Variants in PXK observed in about 807,000 individuals in gnomAD.
PXK encodes the protein PX domain-containing protein kinase-like protein.
PXK carries 35 observed loss-of-function variants against 84.7 expected under a neutral mutation model. That is an observed-to-expected ratio of 0.41 (90% CI 0.32 to 0.55). The LOEUF is 0.55. Among genes scored for constraint, PXK ranks in the 20% least tolerant of loss-of-function variants. The probability of loss-of-function intolerance (pLI) is 0.21; values close to 1 mark genes in which losing one functional copy is unlikely to be tolerated. For synonymous variants in PXK, 253 were observed against 260.8 expected (o/e 0.97, Z 0.29); for missense variants, 634 against 699.7 (o/e 0.91, Z 1.06).
Position 58,410,190 on chromosome 3 carries a change from G to C in PXK, c.1465+31G>C, listed in dbSNP as rs753381677. ...TGGTTATAGATGGTAGTGGGGCCCA[G>C]GACACAGAGATCAGGATCAGGAGTC... On this transcript the variant is annotated intron_variant, in intron 16 of 17. Transcript: ENST00000356151. 4.7e-6 allele frequency: 7 copies of C among 1,493,606 alleles called. No individual in the cohort carries two copies. In the South Asian group the frequency reaches 6.8e-5, roughly 14 times the overall value. 92.5% of individuals were successfully genotyped at this position (1,493,606 alleles called of 1,614,324 possible). A position where few individuals can be genotyped will look rare whatever the true frequency, so the allele number is the denominator to read the frequency against.
chr3:58,425,923 C>T lies in PXK; in HGVS notation c.*963C>T, dbSNP rs745744542. 4 of 152,176 alleles carry T rather than the reference C, an allele frequency of 2.6e-5. No homozygotes were observed. Among genetic ancestry groups the T allele is most frequent in the Non-Finnish European group, 4.4e-5 (3 of 68,038 alleles). 9.4% of individuals were successfully genotyped at this position (152,176 alleles called of 1,614,324 possible). A position where few individuals can be genotyped will look rare whatever the true frequency, so the allele number is the denominator to read the frequency against. On this transcript the variant is annotated 3_prime_UTR_variant, in exon 18 of 18. Transcript: ENST00000356151. ...AATAATCCATTTAAAAATTCAAGTACACACATCAGTGTTGGTTACTATGCA... is the reference window on the plus strand; with the variant it reads ...AATAATCCATTTAAAAATTCAAGTATACACATCAGTGTTGGTTACTATGCA...
In PXK at chr3:58,395,741, T is replaced by C. The variant is rs756972825; in HGVS notation, c.804T>C (p.Tyr268=). The change falls in exon 9 of 18, where the codon TAT becomes TAC. Residue 268 remains tyrosine, a synonymous_variant. Transcript: ENST00000356151. ...TGGAACTCCAGCAAATAAAAACATA[T>C]GGACGGCAAATATTAGAGGTAAGAG... ...QGLELQQIKT[Y]GRQILEVLKF... is the part of the protein sequence containing the mutation. The C allele has an allele frequency of 5.0e-6, 8 of 1,610,558 alleles. No individual in the cohort carries two copies. Among genetic ancestry groups the C allele is most frequent in the Admixed American group, 1.7e-5 (1 of 59,972 alleles).
chr3:58,396,058 T>C (rs557743008), intron 9 of PXK, among the ~76,000 whole-genome samples: 26 of 152,266 alleles, frequency 1.7e-4, no homozygotes, highest in African/African-American at 4.8e-4. Flanking sequence ...CATGCCAAGG[T>C]TTTTGATTTT....
intron 1 of PXK, among the ~76,000 whole-genome samples, chr3:58,354,996 G>A (rs528440679): frequency 6.6e-6 from 1 of 152,222 alleles, no homozygotes; most frequent in African/African-American, 2.4e-5. Flanking sequence ...GTGTGCGCCT[G>A]TAGTCGCAGC....
chr3:58,395,173 C>T, intron 8 of PXK, 71 bp downstream of exon 8: 2 of 1,120,522 alleles, frequency 1.8e-6, no homozygotes, highest in Non-Finnish European at 2.6e-6. Flanking sequence ...TACTTAGTCT[C>T]TAAGACTCCA....
intron 1 of PXK, among the ~76,000 whole-genome samples, chr3:58,336,481 A>G (rs1289451270): frequency 6.6e-6 from 1 of 152,156 alleles, no homozygotes; most frequent in Non-Finnish European, 1.5e-5. Flanking sequence ...AGCTTCTATA[A>G]AATCAGAAAG....
At chr3:58,408,641 G>A (rs2059735613) in intron 13 of PXK, among the ~76,000 whole-genome samples, 2 of 151,958 alleles carry the variant, frequency 1.3e-5, no homozygotes, top group East Asian at 3.9e-4. Context: ...TCCTGCCTCA[G>A]CCTCCTGAGT....
chr3:58,412,597 G>T lies in PXK; in HGVS notation c.1466-304G>T, dbSNP rs1408151015. ...TACCCAGGAGTGGAGGTTGCGTCAG[G>T]AAGAGATACTGCAGCCAATTGCCTA... On this transcript the variant is annotated intron_variant, in intron 16 of 17. Coordinates refer to ENST00000356151, the MANE Select transcript of PXK (RefSeq NM_017771.5). The surrounding 1 kb of genome is among the most constrained non-coding windows in gnomAD (Gnocchi z 6.2). Among the ~76,000 whole-genome samples, 1 of 152,160 alleles carries T rather than the reference G, an allele frequency of 6.6e-6. No individual in the cohort carries two copies. Among genetic ancestry groups the T allele is most frequent in the East Asian group, 1.9e-4 (1 of 5,198 alleles).
intron 1 of PXK, among the ~76,000 whole-genome samples, chr3:58,336,590 T>C (rs2097616958): frequency 6.6e-6 from 1 of 151,928 alleles, no homozygotes; most frequent in Non-Finnish European, 1.5e-5. Flanking sequence ...CACAGGTGAG[T>C]TGTGAGAAAA....
At chr3:58,360,109 G>A (rs1179524800) in intron 1 of PXK, among the ~76,000 whole-genome samples, 1 of 152,024 alleles carries the variant, frequency 6.6e-6, no homozygotes, top group Non-Finnish European at 1.5e-5. Context: ...ACTCTAGCGT[G>A]GATGACAGAG....
At chr3:58,337,776 A>T (rs960096616) in intron 1 of PXK, among the ~76,000 whole-genome samples, 5 of 152,134 alleles carry the variant, frequency 3.3e-5, no homozygotes, top group African/African-American at 1.2e-4. Context: ...GGCCTCAACT[A>T]GGATCTTTAC....
In PXK at chr3:58,401,822, G is replaced by A. The variant is rs917462478; in HGVS notation, c.1182-2040G>A. ...GGCGTCTGTAGTCCCAGCTACCCAG[G>A]AGGCGGAGTTTGCACTGGAGCGCGC... On this transcript the variant is annotated intron_variant, in intron 12 of 17. Coordinates refer to ENST00000356151, the MANE Select transcript of PXK (RefSeq NM_017771.5). This position sits in a 1 kb window ranked among gnomAD's most constrained non-coding sequence, Gnocchi z 4.4. Among the ~76,000 whole-genome samples the A allele has an allele frequency of 1.3e-5, 2 of 152,110 alleles. No homozygotes were observed. The highest frequency in any genetic ancestry group is 4.8e-5 in the African/African-American group (2 of 41,408).
chr3:58,334,482 C>T (rs1189792906), intron 1 of PXK, among the ~76,000 whole-genome samples: 1 of 152,108 alleles, frequency 6.6e-6, no homozygotes, highest in Non-Finnish European at 1.5e-5. Flanking sequence ...TTTGACTTGA[C>T]TATTGGCAAG....
rs1322956761 is a variant in PXK at position 58,364,049 on chromosome 3, CT to C, written c.103-1824del. 6.6e-6 allele frequency among the ~76,000 whole-genome samples: 1 copy of C among 152,162 alleles called. No homozygotes were observed. The highest frequency in any genetic ancestry group is 2.4e-5 in the African/African-American group (1 of 41,418). On this transcript the variant is annotated intron_variant, in intron 1 of 17. Coordinates refer to ENST00000356151, the MANE Select transcript of PXK (RefSeq NM_017771.5). The surrounding 1 kb of genome is among the most constrained non-coding windows in gnomAD (Gnocchi z 4.3). ...TATGGCAGATTACATCGATCAGTTT[CT>C]GAATGGTGAACCAGCCTTGAGTCCC...
chr3:58,400,784 C>T lies in PXK; in HGVS notation c.1181+1407C>T, dbSNP rs1357130266. The stretch of plus-strand genomic sequence containing the variant: ...ATAAAAAATTAGCTGGGCATGGTGG[C>T]ACACTCCTGTAATCCCAGCTACTCA... On this transcript the variant is annotated intron_variant, in intron 12 of 17. Coordinates refer to ENST00000356151, the MANE Select transcript of PXK (RefSeq NM_017771.5). The surrounding 1 kb of genome is among the most constrained non-coding windows in gnomAD (Gnocchi z 4.0). 6.6e-6 allele frequency among the ~76,000 whole-genome samples: 1 copy of T among 152,130 alleles called. No individual in the cohort carries two copies.
chr3:58,421,285 G>GTTAGGCTCCCT lies in PXK; in HGVS notation c.1529-3466_1529-3465insTAGGCTCCCTT. On this transcript the variant is annotated intron_variant, in intron 17 of 17. Coordinates refer to ENST00000356151, the MANE Select transcript of PXK (RefSeq NM_017771.5). The surrounding 1 kb of genome is among the most constrained non-coding windows in gnomAD (Gnocchi z 5.5). ...GCTGGCTGCTAACATGGGCCTAAGA[G>GTTAGGCTCCCT]TCGGTGGGGAAGGGAGCCAGGCGCA... 1.0e-6 allele frequency: 1 copy of GTTAGGCTCCCT among 985,314 alleles called. No individual in the cohort carries two copies. The highest frequency in any genetic ancestry group is 1.2e-6 in the Non-Finnish European group (1 of 829,908). The allele number at this position is 985,314 out of a possible 1,614,324, so 61.0% of individuals were successfully genotyped here.
intron 17 of PXK, among the ~76,000 whole-genome samples, chr3:58,419,458 G>A (rs2061490511): frequency 6.6e-6 from 1 of 152,250 alleles, no homozygotes; most frequent in Non-Finnish European, 1.5e-5. Context: ...TCGCCATGTT[G>A]GCCAGGCTGG....
Position 58,391,175 on chromosome 3 carries a change from G to A in PXK, c.495G>A (p.Leu165=), listed in dbSNP as rs2106871364. The change falls in exon 6 of 18, where the codon TTG becomes TTA. Residue 165 remains leucine, a synonymous_variant. Transcript: ENST00000356151. ...IGWRIRKKYF[L]MKIKNQPKER... is the part of the protein sequence containing the mutation. ...GGAGAATAAGGAAGAAATATTTCTT[G>A]ATGAAGATTAAAAATCAGCCAAAGG... The A allele has an allele frequency of 1.2e-6, 2 of 1,613,636 alleles. No individual in the cohort carries two copies. The highest frequency in any genetic ancestry group is 4.5e-5 in the East Asian group (2 of 44,816).
chr3:58,406,844 G>A (rs1576663312), intron 13 of PXK, among the ~76,000 whole-genome samples: 1 of 152,070 alleles, frequency 6.6e-6, no homozygotes, highest in African/African-American at 2.4e-5. Flanking sequence ...ATTTCACTTA[G>A]CATAATGTCC....
Sources: allele counts gnomAD v4.1 joint callset (sites outside exome capture counted in the v4.1 genomes callset), GRCh38; gene constraint gnomAD v4.1.1; non-coding constraint Gnocchi (gnomAD v3.1); transcripts MANE v1.5; gene names NCBI Gene and HGNC (gene_info 2026-07-23, HGNC 2026-07-21).